Variants in ACOX1 observed in about 807,000 individuals in gnomAD.
The protein encoded by ACOX1 is acyl-CoA oxidase 1.
ACOX1 carries 41 observed loss-of-function variants against 75.5 expected under a neutral mutation model. The ratio of observed to expected loss-of-function variants is 0.54; its 90% confidence interval spans 0.42 to 0.70. ACOX1 has a LOEUF of 0.70. Among genes scored for constraint, ACOX1 ranks in the 30% least tolerant of loss-of-function variants. ACOX1 has a pLI of 0.00. For missense variants in ACOX1, 630 were observed against 837.5 expected (o/e 0.75, Z 3.06); for synonymous variants, 303 against 298.8 (o/e 1.01, Z -0.15).
intron 2 of ACOX1, among the ~76,000 whole-genome samples, chr17:75,976,110 T>A (rs1183971445): frequency 6.6e-6 from 1 of 152,190 alleles, no homozygotes; most frequent in African/African-American, 2.4e-5. Context: ...CTCGATAGCA[T>A]GCGATAATTT....
At chr17:75,957,019 A>ACT (rs2065839328) in intron 4 of ACOX1, among the ~76,000 whole-genome samples, 1 of 126,626 alleles carries the variant, frequency 7.9e-6, no homozygotes, top group Non-Finnish European at 1.7e-5. Flanking sequence ...ACACACACAC[A>ACT]CCTCTCTCTG....
intron 2 of ACOX1, among the ~76,000 whole-genome samples, chr17:75,972,436 C>T (rs1347078803): frequency 1.3e-5 from 2 of 150,574 alleles, no homozygotes; most frequent in South Asian, 2.1e-4. Context: ...CACCTGAGGT[C>T]AGGAGTTAAA....
chr17:75,958,495 C>T (rs184753338), intron 3 of ACOX1, among the ~76,000 whole-genome samples: 15 of 147,116 alleles, frequency 1.0e-4, no homozygotes, highest in Admixed American at 5.4e-4. Flanking sequence ...GGTGAAACCC[C>T]GTCTCTACTA....
At chr17:75,955,788 A>G (rs1598180772) in intron 5 of ACOX1, 40 bp downstream of exon 5, 1 of 1,614,104 alleles carries the variant, frequency 6.2e-7, no homozygotes, top group East Asian at 2.2e-5. Flanking sequence ...GAAAGTGCTC[A>G]GTTTCATTTT....
intron 8 of ACOX1, 67 bp downstream of exon 8, chr17:75,951,348 G>T: frequency 6.3e-7 from 1 of 1,583,316 alleles, no homozygotes; most frequent in Non-Finnish European, 8.7e-7. Context: ...AGTTATCTCT[G>T]GACCTCATCC....
intron 2 of ACOX1, among the ~76,000 whole-genome samples, chr17:75,969,951 G>A (rs539223013): frequency 8.6e-5 from 13 of 152,000 alleles, no homozygotes; most frequent in South Asian, 2.1e-4. Context: ...TTGGGAGGCC[G>A]AGGTGGGCAG....
At chr17:75,959,708 G>A (rs1423294961) in intron 3 of ACOX1, among the ~76,000 whole-genome samples, 1 of 152,176 alleles carries the variant, frequency 6.6e-6, no homozygotes, top group Non-Finnish European at 1.5e-5. Flanking sequence ...CAAGTCACTT[G>A]CAGAACTACT....
At position 75,978,959 on chromosome 17, in the gene ACOX1, C is replaced by G. The variant is rs766051751; in HGVS notation, c.109+6G>C. 7.5e-6 allele frequency: 12 copies of G among 1,609,668 alleles called. No homozygotes were observed. In the South Asian group the frequency reaches 1.2e-4, roughly 16 times the overall value. ...AAAGGAGGGAGGTCTCGCCCGCCGC[C>G]CTCACCGATCTCTCGGCGGCGCCGG... On this transcript the variant is annotated splice_donor_region_variant and intron_variant, in intron 1 of 13. Transcript: ENST00000293217. This position sits in a 1 kb window ranked among gnomAD's most constrained non-coding sequence, Gnocchi z 4.2.
intron 2 of ACOX1, among the ~76,000 whole-genome samples, chr17:75,964,833 G>T (rs994625448): frequency 6.6e-6 from 1 of 152,064 alleles, no homozygotes; most frequent in African/African-American, 2.4e-5. Flanking sequence ...AACATCAAAA[G>T]GCATCCCCAG....
At chr17:75,968,304 C>CG (rs1235048384) in intron 2 of ACOX1, among the ~76,000 whole-genome samples, 3 of 147,046 alleles carry the variant, frequency 2.0e-5, no homozygotes, top group African/African-American at 7.5e-5. Context: ...GGCGTAGTGG[C>CG]GGGCGCCTGT....
At chr17:75,961,292 CAAAA>C (rs34895245) in intron 2 of ACOX1, among the ~76,000 whole-genome samples, 3 of 65,746 alleles carry the variant, frequency 4.6e-5, no homozygotes, top group Admixed American at 3.4e-4. Flanking sequence ...GACTCCATCT[CAAAA>C]AAAAAAAAAA....
intron 2 of ACOX1, among the ~76,000 whole-genome samples, chr17:75,967,208 C>T (rs541757266): frequency 5.3e-5 from 8 of 152,164 alleles, no homozygotes; most frequent in East Asian, 1.9e-4. Context: ...TGGTGGCTCA[C>T]GCCTGTAATC....
chr17:75,965,337 C>CAAAAAAAAAAAAAAAAA (rs11293371), intron 2 of ACOX1, among the ~76,000 whole-genome samples: 2 of 81,700 alleles, frequency 2.4e-5, no homozygotes, highest in Admixed American at 1.4e-4. Flanking sequence ...GACTCTGTCT[C>CAAAAAAAAAAAAAAAAA]AAAAAAAAAA....
intron 13 of ACOX1, among the ~76,000 whole-genome samples, chr17:75,947,607 G>A (rs900046910): frequency 6.6e-6 from 1 of 152,110 alleles, no homozygotes; most frequent in African/African-American, 2.4e-5. Flanking sequence ...AACTAGCCAC[G>A]AGTTGATAGT....
chr17:75,949,878 C>G lies in ACOX1; in HGVS notation c.1318G>C (p.Asp440His). ...QTARFLMKSY[D>H]QVHSGKLVCG... ...ACCAACTTTCCTGAGTGCACCTGATCATAACTTTTCATCAGGAACCTAAAA... is the reference window on the plus strand; with the variant it reads ...ACCAACTTTCCTGAGTGCACCTGATGATAACTTTTCATCAGGAACCTAAAA... Residue 440 changes from aspartate to histidine, a missense_variant, in exon 10 of 14, where the codon GAT becomes CAT. Asp to His is a moderately conservative substitution (Grantham distance 81). This residue lies in a region of ACOX1 where 390 missense variants were observed against 574.9 expected (regional missense o/e 0.68). Transcript: ENST00000293217. The G allele has an allele frequency of 6.2e-7, 1 of 1,614,212 alleles. No individual in the cohort carries two copies. Among genetic ancestry groups the G allele is most frequent in the Non-Finnish European group, 8.5e-7 (1 of 1,180,042 alleles).
intron 8 of ACOX1, 79 bp from the exon 9 acceptor site, chr17:75,951,043 T>C: frequency 1.4e-6 from 2 of 1,425,846 alleles, no homozygotes; most frequent in Non-Finnish European, 1.9e-6. Context: ...ACACCCCTCC[T>C]CTAACATCTT....
chr17:75,948,497 T>G, intron 12 of ACOX1, 40 bp from the exon 13 acceptor site: 2 of 1,498,182 alleles, frequency 1.3e-6, no homozygotes, highest in Non-Finnish European at 1.8e-6. Flanking sequence ...CATATATATG[T>G]ATATAGATAG....
intron 7 of ACOX1, among the ~76,000 whole-genome samples, chr17:75,952,683 A>G (rs1213698586): frequency 6.6e-6 from 1 of 151,948 alleles, no homozygotes; most frequent in Non-Finnish European, 1.5e-5. Flanking sequence ...TACAAAAATT[A>G]GCTGGGCATG....
intron 2 of ACOX1, among the ~76,000 whole-genome samples, chr17:75,975,050 CAAAAAAAAAAAAA>C (rs1022347068): frequency 2.5e-5 from 1 of 40,272 alleles, no homozygotes; most frequent in East Asian, 6.1e-4. Context: ...ACTCTGTCTC[CAAAAAAAAAAAAA>C]AAAAAAAAAA....
Sources: gnomAD v4.1 joint callset for allele counts (sites outside exome capture counted in the v4.1 genomes callset) on GRCh38, gnomAD v4.1.1 for gene constraint, gnomAD v4.1.1 regional missense constraint, Gnocchi (gnomAD v3.1) non-coding constraint, MANE v1.5 for transcripts, NCBI Gene and HGNC (gene_info 2026-07-23, HGNC 2026-07-21) for gene names.